The following LCLAT1 variants were observed in gnomAD, a reference collection of about 807,000 sequenced individuals.
LCLAT1 encodes the protein lysocardiolipin acyltransferase 1.
LCLAT1 carries 11 observed loss-of-function variants against 30.7 expected under a neutral mutation model. The ratio of observed to expected loss-of-function variants is 0.36; its 90% CI spans 0.23 to 0.59. The LOEUF is 0.59. Ranked by LOEUF, LCLAT1 falls within the 20% of genes least tolerant of loss-of-function variation. The pLI, the probability that LCLAT1 is intolerant of heterozygous loss-of-function variation, is 0.77. For missense variants in LCLAT1, 402 were observed against 458.6 expected (o/e 0.88, Z 1.13); for synonymous variants, 155 against 151.3 (o/e 1.02, Z -0.18).
chr2:30,617,646 A>T (rs1343467694), intron 5 of LCLAT1, among the ~76,000 whole-genome samples: 1 of 152,100 alleles, frequency 6.6e-6, no homozygotes, highest in Admixed American at 6.6e-5. Flanking sequence ...CCTGACCAAA[A>T]CCTGATATTG....
chr2:30,587,676 A>G (rs1311370870), intron 5 of LCLAT1, among the ~76,000 whole-genome samples: 2 of 152,256 alleles, frequency 1.3e-5, no homozygotes, highest in Non-Finnish European at 2.9e-5. Flanking sequence ...GAAACTGAAC[A>G]TTGTAAAAGT....
chr2:30,472,981 T>C (rs976622525), intron 1 of LCLAT1, among the ~76,000 whole-genome samples: 2 of 152,184 alleles, frequency 1.3e-5, no homozygotes, highest in African/African-American at 4.8e-5. Context: ...TAATTATGCC[T>C]TTCTGTCTTC....
intron 5 of LCLAT1, among the ~76,000 whole-genome samples, chr2:30,584,560 A>G (rs1397746362): frequency 6.6e-6 from 1 of 152,150 alleles, no homozygotes; most frequent in African/African-American, 2.4e-5. Flanking sequence ...ACACTCTGAC[A>G]ATATCCTGGA....
Position 30,533,150 on chromosome 2 carries a change from T to G in LCLAT1, c.200T>G (p.Ile67Ser). Residue 67 changes from isoleucine to serine, a missense_variant, in exon 3 of 6, where the codon ATT (isoleucine) becomes AGT (serine). Ile to Ser is a moderately radical substitution (Grantham distance 142). Transcript: ENST00000379509. ...GAGACCATGTTTGGTGTAAAAGTGA[T>G]TATAACTGGGGATGCATTTGTTCCT... ...LLETMFGVKV[I>S]ITGDAFVPGE... is the part of the protein sequence containing the mutation. 1 of 1,613,990 alleles carries G rather than the reference T, an allele frequency of 6.2e-7. No individual in the cohort carries two copies. Among genetic ancestry groups the G allele is most frequent in the Non-Finnish European group, 8.5e-7 (1 of 1,179,850 alleles).
intron 5 of LCLAT1, among the ~76,000 whole-genome samples, chr2:30,579,793 T>C (rs1012292876): frequency 1.3e-5 from 2 of 152,150 alleles, no homozygotes; most frequent in African/African-American, 4.8e-5. Context: ...CTGTGAAAGT[T>C]CTAGTATTTA....
At chr2:30,554,208 A>G (rs891126515) in intron 3 of LCLAT1, among the ~76,000 whole-genome samples, 3 of 152,262 alleles carry the variant, frequency 2.0e-5, no homozygotes, top group South Asian at 2.1e-4. Flanking sequence ...AGCAAGAGGT[A>G]TTCTCACTTG....
At chr2:30,542,846 A>G (rs537707879) in intron 3 of LCLAT1, among the ~76,000 whole-genome samples, 4 of 152,236 alleles carry the variant, frequency 2.6e-5, no homozygotes, top group Admixed American at 6.5e-5. Flanking sequence ...CAACTTTTCA[A>G]AATTCAACTA....
chr2:30,503,920 T>C (rs1333725287), intron 1 of LCLAT1, among the ~76,000 whole-genome samples: 1 of 152,226 alleles, frequency 6.6e-6, no homozygotes, highest in Non-Finnish European at 1.5e-5. Flanking sequence ...TTCTCTGTTT[T>C]AGTTGATTTT....
Position 30,461,963 on chromosome 2 carries a change from G to A in LCLAT1, c.-5+14580G>A, listed in dbSNP as rs562172854. On this transcript the variant is annotated intron_variant, in intron 1 of 5. Transcript: ENST00000379509. ...TTTTTTTGTGTTTTTTAGTAGAGAC[G>A]GGGTTTCACTGTGTTAGCCAGGATG... Among the ~76,000 whole-genome samples the A allele has an allele frequency of 6.6e-5, 10 of 151,236 alleles. No homozygotes were observed. In the South Asian group the frequency reaches 1.1e-3, roughly 16 times the overall value.
chr2:30,498,187 G>A (rs1395639121), intron 1 of LCLAT1, among the ~76,000 whole-genome samples: 2 of 152,190 alleles, frequency 1.3e-5, no homozygotes, highest in East Asian at 3.8e-4. Flanking sequence ...CCAGCTATGA[G>A]GCTGAGTCCG....
chr2:30,593,318 A>G (rs926032413), intron 5 of LCLAT1, among the ~76,000 whole-genome samples: 10 of 152,112 alleles, frequency 6.6e-5, no homozygotes, highest in Non-Finnish European at 1.5e-4. Flanking sequence ...CCGTTGATAG[A>G]CAGGTTCTAA....
chr2:30,547,504 G>C (rs1045323883), intron 3 of LCLAT1, among the ~76,000 whole-genome samples: 4 of 152,088 alleles, frequency 2.6e-5, no homozygotes, highest in Non-Finnish European at 4.4e-5. Context: ...TGTCAGCAGG[G>C]ATGGTTGTTT....
chr2:30,574,612 C>G (rs1230869824), intron 5 of LCLAT1, among the ~76,000 whole-genome samples: 1 of 152,166 alleles, frequency 6.6e-6, no homozygotes, highest in East Asian at 1.9e-4. Flanking sequence ...CACTCAGACT[C>G]TATATGGATT....
chr2:30,548,525 G>A (rs1457286231), intron 3 of LCLAT1, among the ~76,000 whole-genome samples: 4 of 152,182 alleles, frequency 2.6e-5, no homozygotes, highest in African/African-American at 9.7e-5. Flanking sequence ...GGATTGTTTA[G>A]GTTAAGGTAA....
intron 1 of LCLAT1, among the ~76,000 whole-genome samples, chr2:30,467,285 C>T (rs1304247700): frequency 7.2e-5 from 11 of 152,196 alleles, no homozygotes; most frequent in Non-Finnish European, 1.6e-4. Context: ...TTTTTTATGG[C>T]TGCATAGTAT....
chr2:30,476,440 T>A (rs1325639493), intron 1 of LCLAT1: 1 of 456,692 alleles, frequency 2.2e-6, no homozygotes, highest in Non-Finnish European at 4.4e-6. Flanking sequence ...GATTTCCACC[T>A]CTGCTCAGAT....
intron 5 of LCLAT1, among the ~76,000 whole-genome samples, chr2:30,632,335 A>G (rs1170592377): frequency 2.6e-5 from 4 of 152,190 alleles, no homozygotes; most frequent in African/African-American, 7.2e-5. Context: ...CAGATCATCA[A>G]CTTCCAATTC....
chr2:30,460,070 C>T (rs150176090), intron 1 of LCLAT1, among the ~76,000 whole-genome samples: 1 of 152,182 alleles, frequency 6.6e-6, no homozygotes, highest in Non-Finnish European at 1.5e-5. Context: ...ATCCCTTACA[C>T]TTTCTGCTGC....
At chr2:30,544,452 T>G (rs1212195261) in intron 3 of LCLAT1, among the ~76,000 whole-genome samples, 2 of 152,142 alleles carry the variant, frequency 1.3e-5, no homozygotes, top group Non-Finnish European at 2.9e-5. Context: ...CATCCCTGAG[T>G]CTTTCTTTCT....
Sources: allele counts gnomAD v4.1 joint callset (sites outside exome capture counted in the v4.1 genomes callset), GRCh38; gene constraint gnomAD v4.1.1; transcripts MANE v1.5; gene names NCBI Gene and HGNC (gene_info 2026-07-23, HGNC 2026-07-21).